The following ARHGAP26 variants were observed in gnomAD, a reference collection of about 807,000 sequenced individuals.
ARHGAP26 encodes the protein rho GTPase-activating protein 26.
ARHGAP26 carries 38 observed loss-of-function variants against 104.8 expected under a neutral mutation model. The ratio of observed to expected loss-of-function variants is 0.36; its 90% confidence interval spans 0.28 to 0.48. The LOEUF is 0.48. ARHGAP26 is among the 20% of genes least tolerant of loss of function. The pLI is 0.99. For synonymous variants in ARHGAP26, 341 were observed against 340.0 expected, an observed-to-expected ratio of 1.00 and a Z score of -0.03; for missense variants, 704 against 947.9, an observed-to-expected ratio of 0.74 and a Z score of 3.38.
chr5:143,196,308 A>AT, intron 20 of ARHGAP26, among the ~76,000 whole-genome samples: 1 of 152,036 alleles, frequency 6.6e-6, no homozygotes, highest in Admixed American at 6.5e-5. Flanking sequence ...ATTAGTTTTT[A>AT]TTTATATTTT....
intron 1 of ARHGAP26, among the ~76,000 whole-genome samples, chr5:142,792,294 G>A (rs1760016716): frequency 6.6e-6 from 1 of 152,186 alleles, no homozygotes; most frequent in Non-Finnish European, 1.5e-5. Flanking sequence ...CAGGAATTTA[G>A]CAAACAAAAG....
chr5:143,043,434 G>T (rs246662), intron 14 of ARHGAP26, among the ~76,000 whole-genome samples: 2 of 151,764 alleles, frequency 1.3e-5, no homozygotes, highest in South Asian at 4.2e-4. Context: ...GCACTTTGTC[G>T]AACCATTCAT....
intron 1 of ARHGAP26, among the ~76,000 whole-genome samples, chr5:142,865,017 A>G (rs1400053046): frequency 6.6e-6 from 1 of 152,156 alleles, no homozygotes; most frequent in Non-Finnish European, 1.5e-5. Flanking sequence ...CCCTCTCAAA[A>G]TGGGTTTCTT....
chr5:142,904,922 T>G (rs1760901803), intron 8 of ARHGAP26, among the ~76,000 whole-genome samples: 1 of 152,202 alleles, frequency 6.6e-6, no homozygotes, highest in South Asian at 2.1e-4. Context: ...ATTATTCTAT[T>G]TAGTAATTAC....
At chr5:142,799,912 G>A (rs1761727284) in intron 1 of ARHGAP26, among the ~76,000 whole-genome samples, 1 of 152,152 alleles carries the variant, frequency 6.6e-6, no homozygotes, top group African/African-American at 2.4e-5. Context: ...GTTTTGGAAG[G>A]GACATTAAAA....
chr5:142,850,801 A>G (rs1751365071), intron 1 of ARHGAP26, among the ~76,000 whole-genome samples: 1 of 152,252 alleles, frequency 6.6e-6, no homozygotes, highest in Non-Finnish European at 1.5e-5. Flanking sequence ...CCTCATATGT[A>G]GCAAATAAGG....
At chr5:143,029,243 G>T (rs1157928812) in intron 12 of ARHGAP26, among the ~76,000 whole-genome samples, 1 of 152,044 alleles carries the variant, frequency 6.6e-6, no homozygotes, top group Non-Finnish European at 1.5e-5. Context: ...AATGAGGGAG[G>T]CCAACCAGGC....
At chr5:142,850,165 T>G (rs1751235329) in intron 1 of ARHGAP26, among the ~76,000 whole-genome samples, 1 of 152,180 alleles carries the variant, frequency 6.6e-6, no homozygotes, top group South Asian at 2.1e-4. Flanking sequence ...CTTGTCCCCT[T>G]CTTTTGGCCC....
At chr5:142,885,265 T>A (rs1192332759) in intron 4 of ARHGAP26, 33 bp from the exon 5 acceptor site, 1 of 1,581,330 alleles carries the variant, frequency 6.3e-7, no homozygotes, top group Non-Finnish European at 8.7e-7. Context: ...AACGTGTTAC[T>A]CTTTTTCTTT....
Position 143,052,427 on chromosome 5 carries a change from G to A in ARHGAP26, c.1286-2012G>A, listed in dbSNP as rs548752032. Among the ~76,000 whole-genome samples the A allele has an allele frequency of 1.9e-4, 29 of 151,502 alleles. 1 individual carries two copies. In the East Asian group the frequency reaches 5.1e-3, roughly 26 times the overall value. On this transcript the variant is annotated intron_variant, in intron 14 of 22. Transcript: ENST00000645722. ...GGAGGTTGCAGTGAGCCAAGACTGC[G>A]CCACTGCACTCCAGCCTGGTGACAG...
chr5:143,195,360 T>G (rs1017566868), intron 20 of ARHGAP26, among the ~76,000 whole-genome samples: 10 of 152,214 alleles, frequency 6.6e-5, no homozygotes, highest in Non-Finnish European at 1.2e-4. Flanking sequence ...GCTGCTAATT[T>G]TAGTTACTCC....
Position 142,821,300 on chromosome 5 carries a change from GT to G in ARHGAP26, c.154+50412del, listed in dbSNP as rs71576157. ...TTGGCAGGCTTCCTAAGGTAGAGTG[GT>G]TTTTTTTTTTTTTTTTTTTTTTTTT... On this transcript the variant is annotated intron_variant, in intron 1 of 22. Transcript: ENST00000645722. 9.9e-3 allele frequency among the ~76,000 whole-genome samples: 1,056 copies of G among 106,334 alleles called. 15 individuals are homozygous for G. The highest frequency in any genetic ancestry group is 0.048 in the East Asian group (140 of 2,914). 69.8% of individuals were successfully genotyped at this position (106,334 alleles called of 152,430 possible).
chr5:142,875,623 C>G (rs1024485324), intron 3 of ARHGAP26, among the ~76,000 whole-genome samples: 1 of 152,104 alleles, frequency 6.6e-6, no homozygotes, highest in Non-Finnish European at 1.5e-5. Context: ...AGGAGGGACC[C>G]AGTAAACAGG....
chr5:143,008,754 A>G (rs1362353548), intron 11 of ARHGAP26, among the ~76,000 whole-genome samples: 21 of 152,198 alleles, frequency 1.4e-4, no homozygotes, highest in Non-Finnish European at 4.4e-5. Context: ...TGCTTTACTT[A>G]TGTCTTTAAT....
chr5:142,792,184 C>T (rs1011169626), intron 1 of ARHGAP26, among the ~76,000 whole-genome samples: 6 of 152,140 alleles, frequency 3.9e-5, no homozygotes, highest in East Asian at 1.9e-4. Context: ...ACCCTCAGGG[C>T]ATAGTTTCTG....
At chr5:143,012,552 C>CATATATATATATATATATAT (rs3073231) in intron 11 of ARHGAP26, among the ~76,000 whole-genome samples, 1,570 of 20,644 alleles carry the variant, frequency 0.076, 266 homozygotes, top group Non-Finnish European at 0.12. Flanking sequence ...TACATACATA[C>CATATATATATATATATATAT]ATATATATAT....
At chr5:142,947,264 A>G (rs79352209) in intron 11 of ARHGAP26, among the ~76,000 whole-genome samples, 3,099 of 152,248 alleles carry the variant, frequency 0.02, 106 homozygotes, top group African/African-American at 0.07. Context: ...TAAGGAAATC[A>G]TCAACATTCT....
At chr5:143,221,379 A>C (rs1361857705) in intron 22 of ARHGAP26, among the ~76,000 whole-genome samples, 2 of 151,532 alleles carry the variant, frequency 1.3e-5, no homozygotes, top group East Asian at 3.9e-4. Flanking sequence ...GGTGTGAGTG[A>C]AACAGAGAAA....
chr5:143,032,246 C>T (rs1197676725), intron 12 of ARHGAP26, among the ~76,000 whole-genome samples: 1 of 152,172 alleles, frequency 6.6e-6, no homozygotes, highest in Non-Finnish European at 1.5e-5. Flanking sequence ...GTTTGGGCTG[C>T]CTCGTGTGTA....
Sources: gnomAD v4.1 joint callset for allele counts (sites outside exome capture counted in the v4.1 genomes callset) on GRCh38, gnomAD v4.1.1 for gene constraint, MANE v1.5 for transcripts, NCBI Gene and HGNC (gene_info 2026-07-23, HGNC 2026-07-21) for gene names.